Variants in COL11A1 observed in about 807,000 individuals in gnomAD.
COL11A1 encodes collagen alpha-1(XI) chain.
In COL11A1, 74 loss-of-function variants were observed where a neutral mutation model predicts 265.2. The observed-to-expected ratio is 0.28, with a 90% CI of 0.23 to 0.34. COL11A1 has a LOEUF of 0.34. Among genes scored for constraint, COL11A1 ranks in the 10% least tolerant of loss-of-function variants. COL11A1 has a pLI of 1.00. For missense variants in COL11A1, 2,165 were observed against 2,263.6 expected, an observed-to-expected ratio of 0.96 and a Z score of 0.88; for synonymous variants, 816 against 727.6, an observed-to-expected ratio of 1.12 and a Z score of -1.96.
In COL11A1 at chr1:102,978,768, G is replaced by T. The variant is rs1428781981; in HGVS notation, c.2710-16C>A. On this transcript the variant is annotated splice_polypyrimidine_tract_variant and intron_variant, in intron 34 of 66. Coordinates refer to ENST00000370096, the MANE Select transcript of COL11A1 (RefSeq NM_001854.4). ...CTGAAGTGCCCTGGCACCAAGAAAA[G>T]AAAAGAAAAATCAGTTTGAATTCTT... 19 of 1,613,958 alleles carry T rather than the reference G, an allele frequency of 1.2e-5. No homozygotes were observed. The highest frequency in any genetic ancestry group is 1.6e-4 in the Middle Eastern group (1 of 6,084).
chr1:102,958,100 A>C (rs1249890609), intron 41 of COL11A1, among the ~76,000 whole-genome samples: 1 of 152,094 alleles, frequency 6.6e-6, no homozygotes, highest in Non-Finnish European at 1.5e-5. Context: ...TCAATATTCT[A>C]AAGGTAAAGT....
intron 4 of COL11A1, among the ~76,000 whole-genome samples, chr1:103,067,929 C>G (rs10735777): frequency 6.6e-6 from 1 of 151,252 alleles, no homozygotes; most frequent in African/African-American, 2.4e-5. Context: ...TAACCTGTAT[C>G]GAGTAAAGAA....
chr1:103,021,879 C>G (rs2101939354), intron 8 of COL11A1, 110 bp from the exon 9 acceptor site: 1 of 830,220 alleles, frequency 1.2e-6, no homozygotes. Context: ...ACGGAGTCTC[C>G]CTCTGTTGCC....
At chr1:103,071,468 T>A (rs1397377514) in intron 4 of COL11A1, among the ~76,000 whole-genome samples, 1 of 67,792 alleles carries the variant, frequency 1.5e-5, no homozygotes, top group Non-Finnish European at 2.8e-5. Flanking sequence ...TTGGTAGGAC[T>A]TTTTTTTTTT....
At chr1:102,939,466 G>T (rs1012024287) in intron 43 of COL11A1, among the ~76,000 whole-genome samples, 3 of 152,152 alleles carry the variant, frequency 2.0e-5, no homozygotes, top group African/African-American at 7.2e-5. Flanking sequence ...GGTTTTGGGA[G>T]GTTGAGGTGA....
At chr1:103,104,318 T>G (rs1674524229) in intron 1 of COL11A1, among the ~76,000 whole-genome samples, 1 of 152,124 alleles carries the variant, frequency 6.6e-6, no homozygotes. Flanking sequence ...TACAATTTTC[T>G]TAGCTAGAAA....
chr1:102,918,395 G>T (rs1381040269), intron 49 of COL11A1, among the ~76,000 whole-genome samples: 1 of 151,840 alleles, frequency 6.6e-6, no homozygotes, highest in Non-Finnish European at 1.5e-5. Flanking sequence ...ATGAAGAACA[G>T]GTTAAATATA....
rs765382445 is a variant in COL11A1, at chr1:103,042,757, G to C, written c.652-11513C>G. Among the ~76,000 whole-genome samples the C allele has an allele frequency of 9.9e-5, 15 of 151,912 alleles. 1 individual carries two copies. Among genetic ancestry groups the C allele is most frequent in the Non-Finnish European group, 2.2e-4 (15 of 67,980 alleles). On this transcript the variant is annotated intron_variant, in intron 4 of 66. Transcript: ENST00000370096. ...CCCTTGCCCCTTTAGTCCTCAGGAAGGTAATGCTAATTACTAGATTTCCCA... is the reference window on the plus strand; with the variant it reads ...CCCTTGCCCCTTTAGTCCTCAGGAACGTAATGCTAATTACTAGATTTCCCA...
intron 57 of COL11A1, among the ~76,000 whole-genome samples, chr1:102,891,794 G>A (rs951340613): frequency 2.6e-5 from 4 of 151,772 alleles, no homozygotes; most frequent in Admixed American, 2.6e-4. Context: ...AAGGGAGGAG[G>A]GTCACTTGAA....
At chr1:103,096,226 C>T (rs72685240) in intron 1 of COL11A1, among the ~76,000 whole-genome samples, 19 of 152,000 alleles carry the variant, frequency 1.3e-4, no homozygotes, top group Admixed American at 2.0e-4. Context: ...TGGAATCAGG[C>T]GGCAGTGAGG....
intron 39 of COL11A1, 45 bp downstream of exon 39, chr1:102,962,608 A>T (rs1176689774): frequency 1.3e-6 from 2 of 1,528,982 alleles, no homozygotes; most frequent in East Asian, 4.5e-5. Flanking sequence ...GTTAAACATA[A>T]ATTAAAGTTT....
rs146099257 is a variant in COL11A1, at chr1:102,911,383, G to A, written c.4086+776C>T. On this transcript the variant is annotated intron_variant, in intron 54 of 66. Transcript: ENST00000370096. ...GAAATAAAGATACCATTAGAAAACA[G>A]TAGTGGCCCCAATTGCCCTGTGACT... Among the ~76,000 whole-genome samples, 382 of 152,244 alleles carry A rather than the reference G, an allele frequency of 2.5e-3. 5 individuals are homozygous for A. The highest frequency in any genetic ancestry group is 8.9e-3 in the African/African-American group (371 of 41,558).
intron 31 of COL11A1, chr1:102,979,656 T>C: frequency 1.6e-6 from 1 of 625,376 alleles, no homozygotes; most frequent in East Asian, 3.2e-5. Context: ...TTTTAGTTTT[T>C]AACCTTCTGA....
chr1:103,050,420 C>T (rs1177781446), intron 4 of COL11A1, among the ~76,000 whole-genome samples: 2 of 152,194 alleles, frequency 1.3e-5, no homozygotes, highest in Non-Finnish European at 2.9e-5. Flanking sequence ...GCATTCATCA[C>T]GTAGTTCTCG....
intron 4 of COL11A1, among the ~76,000 whole-genome samples, chr1:103,072,948 CTG>C (rs1278376018): frequency 6.6e-6 from 1 of 151,694 alleles, no homozygotes; most frequent in East Asian, 1.9e-4. Flanking sequence ...AAAAGATAAA[CTG>C]AGAGAGTAAG....
chr1:102,950,010 T>C (rs567995905), intron 41 of COL11A1, among the ~76,000 whole-genome samples: 1 of 152,326 alleles, frequency 6.6e-6, no homozygotes, highest in African/African-American at 2.4e-5. Flanking sequence ...GAATCTCTGC[T>C]CTTGGCTGGG....
intron 1 of COL11A1, among the ~76,000 whole-genome samples, chr1:103,091,883 T>C (rs903194961): frequency 2.0e-5 from 3 of 152,090 alleles, no homozygotes; most frequent in African/African-American, 7.2e-5. Context: ...CCTGGAGTTT[T>C]AGGAATTTTA....
At chr1:103,060,974 C>CA (rs34439772) in intron 4 of COL11A1, among the ~76,000 whole-genome samples, 10,420 of 149,584 alleles carry the variant, frequency 0.07, 493 homozygotes, top group African/African-American at 0.13. Flanking sequence ...CAGAGTGGAT[C>CA]AAAAAAAAAC....
intron 42 of COL11A1, among the ~76,000 whole-genome samples, chr1:102,946,340 A>G (rs536244420): frequency 2.0e-4 from 29 of 147,404 alleles, no homozygotes; most frequent in Admixed American, 1.3e-4. Flanking sequence ...ACCCCCCCCC[A>G]AAAAATGTTA....
Sources: gnomAD v4.1 joint callset for allele counts (sites outside exome capture counted in the v4.1 genomes callset) on GRCh38, gnomAD v4.1.1 for gene constraint, MANE v1.5 for transcripts, NCBI Gene and HGNC (gene_info 2026-07-23, HGNC 2026-07-21) for gene names.